Variants in PLCH1 observed in about 807,000 individuals in gnomAD.
PLCH1 encodes 1-phosphatidylinositol 4,5-bisphosphate phosphodiesterase eta-1.
In PLCH1, 60 loss-of-function variants were observed where a neutral mutation model predicts 126.7. That is an observed-to-expected ratio of 0.47 (90% CI 0.38 to 0.59). The LOEUF (loss-of-function observed/expected upper bound fraction) is 0.59, where lower values mean the gene tolerates loss of function less well. PLCH1 is among the 20% of genes least tolerant of loss of function. PLCH1 has a pLI of 0.00. For missense variants in PLCH1, 1,723 were observed against 2,040.0 expected, an observed-to-expected ratio of 0.84 and a Z score of 2.99; for synonymous variants, 719 against 734.9, an observed-to-expected ratio of 0.98 and a Z score of 0.35.
intron 21 of PLCH1, among the ~76,000 whole-genome samples, chr3:155,463,197 T>C (rs890323516): frequency 5.9e-5 from 9 of 152,184 alleles, no homozygotes; most frequent in African/African-American, 2.2e-4. Flanking sequence ...CCCAGTGAAA[T>C]AGGTACTTCA....
intron 2 of PLCH1, among the ~76,000 whole-genome samples, chr3:155,616,358 T>A (rs929380193): frequency 6.6e-6 from 1 of 151,924 alleles, no homozygotes; most frequent in Non-Finnish European, 1.5e-5. Flanking sequence ...CAAAGAAAAA[T>A]TTGTGTGTGA....
intron 21 of PLCH1, chr3:155,457,029 C>T (rs557204565): frequency 7.2e-5 from 11 of 152,440 alleles, no homozygotes; most frequent in South Asian, 2.1e-4. Context: ...TGGGAACAGG[C>T]GAGAAGTCCC....
chr3:155,487,348 C>CT (rs1475489513), intron 21 of PLCH1, among the ~76,000 whole-genome samples: 1 of 152,164 alleles, frequency 6.6e-6, no homozygotes, highest in African/African-American at 2.4e-5. Flanking sequence ...CCATTCAATG[C>CT]TTTAACAGTC....
intron 19 of PLCH1, among the ~76,000 whole-genome samples, chr3:155,490,277 T>C (rs1362423733): frequency 6.6e-6 from 1 of 152,202 alleles, no homozygotes; most frequent in Non-Finnish European, 1.5e-5. Flanking sequence ...AAAATTTCTT[T>C]ATATTATGGC....
chr3:155,489,195 C>A lies in PLCH1; in HGVS notation c.2393-389G>T, dbSNP rs528969203. On this transcript the variant is annotated intron_variant, in intron 19 of 22. Transcript: ENST00000460012. Reference sequence around the variant, plus strand: ...TCCCAACAGAATTATGCTTCTCATGCACCAAAGATCCTGCTGCTGTAATAA... The same window carrying A: ...TCCCAACAGAATTATGCTTCTCATGAACCAAAGATCCTGCTGCTGTAATAA... Among the ~76,000 whole-genome samples, 3 of 152,298 alleles carry A rather than the reference C, an allele frequency of 2.0e-5. No individual in the cohort carries two copies. The South Asian group carries it at 6.2e-4, about 32-fold the overall frequency.
At chr3:155,698,275 A>G (rs1174173153) in intron 2 of PLCH1, among the ~76,000 whole-genome samples, 1 of 152,236 alleles carries the variant, frequency 6.6e-6, no homozygotes, top group Non-Finnish European at 1.5e-5. Flanking sequence ...TTAGATTTTA[A>G]AATATAAATA....
At chr3:155,688,719 C>T (rs930184079) in intron 2 of PLCH1, among the ~76,000 whole-genome samples, 2 of 152,108 alleles carry the variant, frequency 1.3e-5, no homozygotes, top group Non-Finnish European at 1.5e-5. Context: ...GATGGAAGAG[C>T]CCTTGGACTT....
Position 155,488,655 on chromosome 3 carries a change from C to A in PLCH1, c.2539+5G>T. On this transcript the variant is annotated splice_donor_5th_base_variant and intron_variant, in intron 20 of 22. Transcript: ENST00000460012. The stretch of plus-strand genomic sequence containing the variant: ...TCTAGAGAGAAAAGGCCAGCTCATA[C>A]CTACCAGGCACTAAGCTGCTGAAGG... 6.2e-7 allele frequency: 1 copy of A among 1,607,988 alleles called. No homozygotes were observed. Among genetic ancestry groups the A allele is most frequent in the Non-Finnish European group, 8.5e-7 (1 of 1,177,770 alleles).
intron 8 of PLCH1, among the ~76,000 whole-genome samples, chr3:155,561,481 G>GCATA (rs1260960020): frequency 6.6e-6 from 1 of 151,588 alleles, no homozygotes; most frequent in African/African-American, 2.4e-5. Flanking sequence ...TTTTATGGCT[G>GCATA]CATAGTATTC....
chr3:155,517,311 AAAT>A (rs1340050329), intron 11 of PLCH1, among the ~76,000 whole-genome samples: 2 of 152,158 alleles, frequency 1.3e-5, no homozygotes, highest in African/African-American at 2.4e-5. Context: ...TGTCTCTAAA[AAAT>A]AATAATAAAA....
At chr3:155,615,692 CACTT>C (rs1173497488) in intron 2 of PLCH1, among the ~76,000 whole-genome samples, 1 of 152,028 alleles carries the variant, frequency 6.6e-6, no homozygotes, top group Non-Finnish European at 1.5e-5. Context: ...TATATGTTCT[CACTT>C]ACAAGTGGGA....
At chr3:155,460,846 T>C (rs972525947) in intron 21 of PLCH1, among the ~76,000 whole-genome samples, 3 of 146,822 alleles carry the variant, frequency 2.0e-5, no homozygotes. Flanking sequence ...AGATAGATAG[T>C]GGTGGGTGCT....
At chr3:155,673,092 T>C (rs1314968833) in intron 2 of PLCH1, among the ~76,000 whole-genome samples, 4 of 139,122 alleles carry the variant, frequency 2.9e-5, no homozygotes, top group Non-Finnish European at 4.6e-5. Context: ...ATGTCTAAAT[T>C]TCTTAACCTG....
intron 22 of PLCH1, chr3:155,483,508 G>A (rs950050180): frequency 4.6e-5 from 21 of 460,060 alleles, no homozygotes; most frequent in Non-Finnish European, 7.7e-5. Flanking sequence ...AAGAAGAAAA[G>A]AAGAAAAACA....
At chr3:155,595,177 T>C (rs945387156) in intron 3 of PLCH1, among the ~76,000 whole-genome samples, 9 of 152,152 alleles carry the variant, frequency 5.9e-5, no homozygotes, top group African/African-American at 1.9e-4. Context: ...AGGTAGACAA[T>C]GGCTAGATTG....
rs780425568 is a variant in PLCH1 at position 155,485,701 on chromosome 3, G to A, written c.2629C>T (p.Leu877Phe). ...TTGAACAGTCCCTTCAGACCCTGGA[G>A]TTGTCTGTTCTGAAGACACAAAAGA... ...INEIYGKNRQ[L>F]QGLKGLFNKN... Residue 877 changes from leucine to phenylalanine, a missense_variant, in exon 22 of 23, where the codon CTC becomes TTC. By Grantham distance (22) the Leu-to-Phe change is conservative (BLOSUM62 0). Coordinates refer to ENST00000460012, the MANE Select transcript of PLCH1 (RefSeq NM_014996.4). The A allele has an allele frequency of 5.6e-6, 9 of 1,594,872 alleles. No homozygotes were observed. The East Asian group carries it at 1.8e-4, about 32-fold the overall frequency.
intron 2 of PLCH1, among the ~76,000 whole-genome samples, chr3:155,664,802 G>A (rs1327701176): frequency 2.6e-5 from 4 of 152,030 alleles, no homozygotes; most frequent in Non-Finnish European, 5.9e-5. Context: ...TTTAAAATAG[G>A]TAGGTCTTAT....
intron 21 of PLCH1, among the ~76,000 whole-genome samples, chr3:155,469,452 G>A (rs913589279): frequency 5.3e-5 from 8 of 152,208 alleles, no homozygotes; most frequent in African/African-American, 1.4e-4. Context: ...CTGATTGCTA[G>A]CACAGCAGTC....
At chr3:155,659,372 G>C (rs1183196665) in intron 2 of PLCH1, among the ~76,000 whole-genome samples, 1 of 119,884 alleles carries the variant, frequency 8.3e-6, no homozygotes, top group African/African-American at 3.2e-5. Flanking sequence ...CTGTCACCCA[G>C]GCTGGAGCAC....
Sources: gnomAD v4.1 joint callset for allele counts (sites outside exome capture counted in the v4.1 genomes callset) on GRCh38, gnomAD v4.1.1 for gene constraint, MANE v1.5 for transcripts, NCBI Gene and HGNC (gene_info 2026-07-23, HGNC 2026-07-21) for gene names.